Variants in NOVA1 observed in about 807,000 individuals in gnomAD.
The protein encoded by NOVA1 is NOVA alternative splicing regulator 1, also known as RNA-binding protein Nova-1.
In NOVA1, 7 loss-of-function variants were observed where a neutral mutation model predicts 38.0. The ratio of observed to expected loss-of-function variants is 0.18; its 90% confidence interval spans 0.10 to 0.35. The LOEUF (loss-of-function observed/expected upper bound fraction) is 0.35. Among genes scored for constraint, NOVA1 ranks in the 10% least tolerant of loss-of-function variants. The pLI, the probability that NOVA1 is intolerant of heterozygous loss-of-function variation, is 1.00. For synonymous variants in NOVA1, 270 were observed against 232.5 expected (o/e 1.16, Z -1.47); for missense variants, 460 against 616.0 (o/e 0.75, Z 2.68).
intron 2 of NOVA1, among the ~76,000 whole-genome samples, chr14:26,520,539 C>T (rs1888795766): frequency 6.6e-6 from 1 of 152,130 alleles, no homozygotes; most frequent in Admixed American, 6.6e-5. Context: ...AGCCGTGGCA[C>T]TAATAAACTG....
intron 2 of NOVA1, among the ~76,000 whole-genome samples, chr14:26,557,425 G>C (rs1219318264): frequency 6.6e-6 from 1 of 152,044 alleles, no homozygotes; most frequent in African/African-American, 2.4e-5. Context: ...CTTGAGTGCA[G>C]GCTGCTCACT....
intron 3 of NOVA1, among the ~76,000 whole-genome samples, chr14:26,475,604 A>G (rs986890267): frequency 5.3e-5 from 8 of 152,216 alleles, no homozygotes; most frequent in Non-Finnish European, 1.0e-4. Flanking sequence ...ACGGAAAAGC[A>G]TAATATATAT....
At chr14:26,563,097 A>G (rs1352679969) in intron 2 of NOVA1, among the ~76,000 whole-genome samples, 1 of 152,118 alleles carries the variant, frequency 6.6e-6, no homozygotes, top group Non-Finnish European at 1.5e-5. Flanking sequence ...GCTAGCAGAC[A>G]CACAGCTTTC....
intron 2 of NOVA1, among the ~76,000 whole-genome samples, chr14:26,567,001 T>C (rs1005736084): frequency 6.6e-6 from 1 of 152,104 alleles, no homozygotes; most frequent in South Asian, 2.1e-4. Context: ...ACCTTTTACA[T>C]AGGATGAGCA....
intron 2 of NOVA1, among the ~76,000 whole-genome samples, chr14:26,520,837 A>T (rs1001691053): frequency 3.3e-5 from 5 of 152,236 alleles, no homozygotes; most frequent in African/African-American, 1.2e-4. Context: ...GATAATCAGG[A>T]CCAAGGCACA....
intron 4 of NOVA1, among the ~76,000 whole-genome samples, chr14:26,461,447 C>T (rs1049924240): frequency 1.3e-5 from 2 of 152,038 alleles, no homozygotes; most frequent in African/African-American, 4.8e-5. Context: ...TTTTAAATAG[C>T]TTCACCACAT....
At chr14:26,450,293 G>A (rs1387876481) in intron 4 of NOVA1, among the ~76,000 whole-genome samples, 1 of 151,952 alleles carries the variant, frequency 6.6e-6, no homozygotes, top group Non-Finnish European at 1.5e-5. Flanking sequence ...ATGCATTTCA[G>A]GCAATTTTGT....
intron 2 of NOVA1, among the ~76,000 whole-genome samples, chr14:26,539,610 A>G (rs2138590317): frequency 6.6e-6 from 1 of 152,238 alleles, no homozygotes; most frequent in South Asian, 2.1e-4. Flanking sequence ...TAAAAGAAAA[A>G]GAGGAGAGAA....
intron 2 of NOVA1, among the ~76,000 whole-genome samples, chr14:26,565,566 T>G (rs1460345932): frequency 1.3e-5 from 2 of 152,136 alleles, no homozygotes; most frequent in African/African-American, 4.8e-5. Flanking sequence ...CGGTGTGATA[T>G]GACAGCCAAA....
intron 4 of NOVA1, among the ~76,000 whole-genome samples, chr14:26,464,040 G>GCCTC (rs1467091679): frequency 6.6e-6 from 1 of 152,116 alleles, no homozygotes; most frequent in African/African-American, 2.4e-5. Context: ...AAAAAATGTG[G>GCCTC]CCTCACACAT....
rs558590459 is a variant in NOVA1 at position 26,531,479 on chromosome 14, T to C, written c.281-51336A>G. Among the ~76,000 whole-genome samples, 3 of 152,144 alleles carry C rather than the reference T, an allele frequency of 2.0e-5. No homozygotes were observed. In the South Asian group the frequency reaches 6.2e-4, roughly 32 times the overall value. On this transcript the variant is annotated intron_variant, in intron 2 of 4. Transcript: ENST00000539517. ...AAAATTAGCTGGGTGTGGTGGCACA[T>C]GCCTGTAATCCCAGCTACTCAGGAG... is the stretch of plus-strand genomic sequence containing the variant.
At chr14:26,517,929 G>C (rs2138488388) in intron 2 of NOVA1, among the ~76,000 whole-genome samples, 1 of 152,162 alleles carries the variant, frequency 6.6e-6, no homozygotes, top group Admixed American at 6.5e-5. Flanking sequence ...GTTGGAAGAA[G>C]TATACAAAAT....
chr14:26,507,272 G>A (rs1291055223), intron 2 of NOVA1, among the ~76,000 whole-genome samples: 5 of 66,874 alleles, frequency 7.5e-5, no homozygotes, highest in African/African-American at 1.8e-4. Flanking sequence ...TCAACTCATT[G>A]TAAAAAAAAA....
chr14:26,595,579 G>A (rs200041139), intron 1 of NOVA1, 26 bp from the exon 2 acceptor site: 8 of 1,601,346 alleles, frequency 5.0e-6, no homozygotes, highest in South Asian at 1.1e-5. Flanking sequence ...AAATATACTC[G>A]GTTAACACAG....
intron 1 of NOVA1, chr14:26,596,676 TA>T: frequency 7.8e-7 from 1 of 1,289,038 alleles, no homozygotes; most frequent in Non-Finnish European, 1.0e-6. Context: ...CGCAGGATGT[TA>T]ACTAACAAGT....
intron 3 of NOVA1, chr14:26,479,595 A>G: frequency 5.0e-6 from 1 of 198,356 alleles, no homozygotes; most frequent in East Asian, 1.2e-4. Context: ...AAAACTACAA[A>G]TATCACTAAA....
At position 26,446,156 on chromosome 14, in the gene NOVA1, C is replaced by G. The variant is rs1410164476; in HGVS notation, c.*1803G>C. The G allele has an allele frequency of 1.1e-5, 1 of 93,212 alleles. No homozygotes were observed. The highest frequency in any genetic ancestry group is 3.4e-4 in the East Asian group (1 of 2,910). The allele number at this position is 93,212 out of a possible 1,614,324, so 5.8% of individuals were successfully genotyped here. ...TGAAATAACAGTCCAATGTTAAAAA[C>G]TAAAAAAAAAAAAATGAGTCTACTC... On this transcript the variant is annotated 3_prime_UTR_variant, in exon 5 of 5. Transcript: ENST00000539517.
rs935278235 is a variant in NOVA1 at position 26,556,112 on chromosome 14, T to C, written c.280+39298A>G. Among the ~76,000 whole-genome samples the C allele has an allele frequency of 4.6e-5, 7 of 151,982 alleles. No individual in the cohort carries two copies. In the East Asian group the frequency reaches 5.8e-4, roughly 13 times the overall value. Reference sequence around the variant, plus strand: ...ATCTATAGATGCAATGCAATACCCATCAAAAGTCCAGTGAGTTATTTGGCA... The same window carrying C: ...ATCTATAGATGCAATGCAATACCCACCAAAAGTCCAGTGAGTTATTTGGCA... On this transcript the variant is annotated intron_variant, in intron 2 of 4. Coordinates refer to ENST00000539517, the MANE Select transcript of NOVA1 (RefSeq NM_002515.3).
intron 2 of NOVA1, among the ~76,000 whole-genome samples, chr14:26,545,709 C>T (rs178170): frequency 0.98 from 149,057 of 152,196 alleles, 73,070 homozygotes; most frequent in Middle Eastern, 1. Flanking sequence ...AATTAACAGA[C>T]TTAAAAAACA....
Sources: gnomAD v4.1 joint callset for allele counts (sites outside exome capture counted in the v4.1 genomes callset) on GRCh38, gnomAD v4.1.1 for gene constraint, MANE v1.5 for transcripts, NCBI Gene and HGNC (gene_info 2026-07-23, HGNC 2026-07-21) for gene names.